KLF12: variants seen among roughly 807,000 people sequenced by gnomAD.
The protein encoded by KLF12 is KLF transcription factor 12, also known as Krueppel-like factor 12.
Under a neutral mutation model 37.8 loss-of-function variants are expected in KLF12, and 9 were observed. That is an observed-to-expected ratio of 0.24 (90% confidence interval 0.14 to 0.42). KLF12 has a LOEUF of 0.42. Ranked by LOEUF, KLF12 falls within the 10% of genes least tolerant of loss-of-function variation. The pLI is 1.00. For synonymous variants in KLF12, 208 were observed against 202.1 expected (o/e 1.03, Z -0.25); for missense variants, 411 against 516.0 (o/e 0.80, Z 1.97).
chr13:74,242,274 A>T, the KLF12 span, among the ~76,000 whole-genome samples: 1 of 152,214 alleles, frequency 6.6e-6, no homozygotes, highest in Non-Finnish European at 1.5e-5. Context: ...TGATAAAGAC[A>T]TATCTGTGAC....
intron 6 of KLF12, among the ~76,000 whole-genome samples, chr13:73,733,440 TAGCA>T (rs1246042916): frequency 6.6e-6 from 1 of 152,194 alleles, no homozygotes; most frequent in African/African-American, 2.4e-5. Flanking sequence ...TTATTTCACT[TAGCA>T]TAAAGTTTTC....
chr13:74,215,427 C>CTTT, the KLF12 span, among the ~76,000 whole-genome samples: 2,387 of 60,360 alleles, frequency 0.04, 114 homozygotes, highest in Middle Eastern at 0.11. Context: ...CCTCTGGGTT[C>CTTT]TTTTTTTTTT....
At chr13:74,114,349 A>T (rs1313137640) in intron 1 of KLF12, among the ~76,000 whole-genome samples, 1 of 152,158 alleles carries the variant, frequency 6.6e-6, no homozygotes, top group Non-Finnish European at 1.5e-5. Context: ...GTTTTTTTTC[A>T]TCACAATGCT....
At chr13:73,991,762 A>G (rs774820948) in intron 2 of KLF12, among the ~76,000 whole-genome samples, 10 of 152,212 alleles carry the variant, frequency 6.6e-5, no homozygotes, top group African/African-American at 2.2e-4. Context: ...TTTCATTTAC[A>G]TTAATTGCAG....
At chr13:74,133,406 G>A (rs1878377160) in intron 1 of KLF12, among the ~76,000 whole-genome samples, 1 of 151,156 alleles carries the variant, frequency 6.6e-6, no homozygotes, top group Non-Finnish European at 1.5e-5. Context: ...TTCCACTAGG[G>A]GTAGAAAAAC....
intron 1 of KLF12, among the ~76,000 whole-genome samples, chr13:74,002,899 C>T (rs1214854957): frequency 1.3e-5 from 2 of 152,162 alleles, no homozygotes; most frequent in Non-Finnish European, 2.9e-5. Flanking sequence ...GAACCTGACA[C>T]ACAGAAGCTC....
At chr13:73,788,099 T>G (rs191013154) in intron 5 of KLF12, among the ~76,000 whole-genome samples, 1 of 152,256 alleles carries the variant, frequency 6.6e-6, no homozygotes, top group Admixed American at 6.5e-5. Context: ...TAAGACACTT[T>G]TCTTTGATGA....
intron 3 of KLF12, among the ~76,000 whole-genome samples, chr13:73,906,196 A>T (rs1888284885): frequency 6.6e-6 from 1 of 152,180 alleles, no homozygotes; most frequent in Non-Finnish European, 1.5e-5. Context: ...CAGATACTCT[A>T]ATATTCATAT....
chr13:73,749,849 A>T (rs369955316), intron 6 of KLF12, among the ~76,000 whole-genome samples: 1 of 152,214 alleles, frequency 6.6e-6, no homozygotes, highest in Non-Finnish European at 1.5e-5. Flanking sequence ...AGAAAAGTGA[A>T]CAGTGACAAT....
intron 2 of KLF12, among the ~76,000 whole-genome samples, chr13:73,972,464 G>A (rs1416802669): frequency 6.6e-6 from 1 of 151,624 alleles, no homozygotes; most frequent in Non-Finnish European, 1.5e-5. Flanking sequence ...TACATATTAT[G>A]AATAATTTCC....
At chr13:74,156,805 C>T in the KLF12 span, among the ~76,000 whole-genome samples, 3 of 152,204 alleles carry the variant, frequency 2.0e-5, no homozygotes, top group Non-Finnish European at 1.5e-5. Flanking sequence ...GACTGTATCT[C>T]ACTCTTTTTT....
At chr13:73,888,481 C>A (rs1887342553) in intron 3 of KLF12, among the ~76,000 whole-genome samples, 1 of 152,170 alleles carries the variant, frequency 6.6e-6, no homozygotes. Flanking sequence ...CAACTTGTAG[C>A]ATGTATAATT....
chr13:73,957,253 G>T (rs1287128337), intron 2 of KLF12, among the ~76,000 whole-genome samples: 1 of 152,028 alleles, frequency 6.6e-6, no homozygotes, highest in African/African-American at 2.4e-5. Context: ...GAATATATCT[G>T]CTGGGAAATT....
At chr13:74,022,768 C>T (rs1289910340) in intron 1 of KLF12, among the ~76,000 whole-genome samples, 1 of 151,730 alleles carries the variant, frequency 6.6e-6, no homozygotes, top group African/African-American at 2.4e-5. Context: ...ACGTATTGGC[C>T]GCCTCCTTTG....
At chr13:74,082,112 G>A (rs922545248) in intron 1 of KLF12, among the ~76,000 whole-genome samples, 39 of 142,510 alleles carry the variant, frequency 2.7e-4, no homozygotes, top group African/African-American at 4.2e-4. Context: ...AGGACTGCTC[G>A]AGCCCAGGAA....
At chr13:73,807,136 C>T (rs1403756210) in intron 5 of KLF12, among the ~76,000 whole-genome samples, 4 of 151,922 alleles carry the variant, frequency 2.6e-5, no homozygotes, top group African/African-American at 7.3e-5. Context: ...GGTAAAACCC[C>T]GTCTCTACTA....
At chr13:74,101,584 A>G (rs1876344804) in intron 1 of KLF12, among the ~76,000 whole-genome samples, 1 of 152,212 alleles carries the variant, frequency 6.6e-6, no homozygotes, top group Non-Finnish European at 1.5e-5. Context: ...GACAGGGCAG[A>G]GAAAATACAA....
At chr13:73,878,532 A>C (rs113690847) in intron 3 of KLF12, among the ~76,000 whole-genome samples, 1 of 152,294 alleles carries the variant, frequency 6.6e-6, no homozygotes, top group African/African-American at 2.4e-5. Context: ...TGCGTTGTGC[A>C]CTGCTCAGCA....
chr13:73,780,294 A>G (rs529834443), intron 5 of KLF12, among the ~76,000 whole-genome samples: 1 of 152,250 alleles, frequency 6.6e-6, no homozygotes, highest in African/African-American at 2.4e-5. Context: ...GGTTGCACGG[A>G]AAAGTTCCTT....
Sources: gnomAD v4.1 joint callset for allele counts (sites outside exome capture counted in the v4.1 genomes callset) on GRCh38, gnomAD v4.1.1 for gene constraint, MANE v1.5 for transcripts, NCBI Gene and HGNC (gene_info 2026-07-23, HGNC 2026-07-21) for gene names.